The following SURF1 variants were observed in gnomAD, a reference collection of about 807,000 sequenced individuals.
SURF1 encodes surfeit locus protein 1.
SURF1 carries 45 observed loss-of-function variants against 34.1 expected under a neutral mutation model. The observed-to-expected ratio is 1.32, with a 90% CI of 1.04 to 1.69. The LOEUF (loss-of-function observed/expected upper bound fraction) is 1.69. Ranked by LOEUF, SURF1 falls within the 40% of genes most tolerant of loss-of-function variation. SURF1 has a pLI of 0.00. For synonymous variants in SURF1, 188 were observed against 147.5 expected (o/e 1.27, Z -1.99); for missense variants, 456 against 384.6 (o/e 1.19, Z -1.55).
At position 133,356,418 on chromosome 9, in the gene SURF1, CCGCAGCCCCAGCTGCAA is replaced by C. The variant is rs1836590086; in HGVS notation, c.19_35del (p.Leu7GlyfsTer47). ...CGCTCACCCGTCCCAGCCCCGCCGC[CCGCAGCCCCAGCTGCAA>C]CGCAGCCACCGCCGCCATCGCACCC... On this transcript the variant is annotated frameshift_variant, in exon 1 of 9. Coordinates refer to ENST00000371974, the MANE Select transcript of SURF1 (RefSeq NM_003172.4). LOFTEE classifies it high-confidence loss of function. The C allele has an allele frequency of 1.4e-6, 2 of 1,390,130 alleles. No individual in the cohort carries two copies. Among genetic ancestry groups the C allele is most frequent in the African/African-American group, 1.5e-5 (1 of 65,966 alleles). 86.1% of individuals were successfully genotyped at this position (1,390,130 alleles called of 1,614,324 possible).
In SURF1 at chr9:133,352,066, C is replaced by T. The variant is rs2130004088; in HGVS notation, c.828G>A (p.Val276=). Residue 276 remains valine (V), a synonymous_variant, in exon 8 of 9, where the codon GTG becomes GTA. Transcript: ENST00000371974. ...GAGGGCCGCTGGGGACTCACCAGGTCACGATGTACTGCAGATGCTCGTTCC... is the reference window on the plus strand; with the variant it reads ...GAGGGCCGCTGGGGACTCACCAGGTTACGATGTACTGCAGATGCTCGTTCC... ...TLRNEHLQYI[V]TWYGLSAATS... 5 of 1,611,858 alleles carry T rather than the reference C, an allele frequency of 3.1e-6. No individual in the cohort carries two copies. The South Asian group carries it at 5.5e-5, about 18-fold the overall frequency.
At chr9:133,352,211 TGTC>T in intron 7 of SURF1, 69 bp from the exon 8 acceptor site, 1 of 1,489,544 alleles carries the variant, frequency 6.7e-7, no homozygotes, top group Non-Finnish European at 9.1e-7. Context: ...TCCTAGTGGC[TGTC>T]ATTTTTGCGT....
chr9:133,356,250 C>T lies in SURF1; in HGVS notation c.106+19G>A. On this transcript the variant is annotated intron_variant, in intron 2 of 8. Coordinates refer to ENST00000371974, the MANE Select transcript of SURF1 (RefSeq NM_003172.4). ...CTCTGCCCAGGCGCCTGGATCACAGCCCGGCCTGCAGCCCTCACCTGGGCG... is the reference window on the plus strand; with the variant it reads ...CTCTGCCCAGGCGCCTGGATCACAGTCCGGCCTGCAGCCCTCACCTGGGCG... 1 of 1,533,716 alleles carries T rather than the reference C, an allele frequency of 6.5e-7. No homozygotes were observed. The highest frequency in any genetic ancestry group is 1.4e-5 in the African/African-American group (1 of 73,026).
intron 2 of SURF1, among the ~76,000 whole-genome samples, chr9:133,355,576 C>CA (rs1554768830): frequency 1.3e-5 from 2 of 152,182 alleles, no homozygotes; most frequent in South Asian, 4.1e-4. Context: ...GAAACTGTCT[C>CA]AAAAAATAAA....
chr9:133,354,637 A>AG (rs2130017517), intron 4 of SURF1, 22 bp downstream of exon 4: 4 of 1,611,584 alleles, frequency 2.5e-6, no homozygotes, highest in African/African-American at 2.7e-5. Context: ...AACAGGCCCT[A>AG]GGGGGGCAGC....
rs1462843748 is a variant in SURF1, at chr9:133,353,801, A to C, written c.463T>G (p.Ser155Ala). Residue 155 changes from serine (S) to alanine (A), a missense_variant, in exon 5 of 9, where the codon TCA becomes GCA. Ser to Ala is a moderately conservative substitution (Grantham distance 99). Coordinates refer to ENST00000371974, the MANE Select transcript of SURF1 (RefSeq NM_003172.4). ...EAREGGLISS[S>A]TQSGAYVVTP... ...ACCACATAGGCCCCACTCTGAGTTG[A>C]GGAGGAGATGAGGCCGCCCTCCCGG... 3 of 1,613,576 alleles carry C rather than the reference A, an allele frequency of 1.9e-6. No individual in the cohort carries two copies. In the African/African-American group the frequency reaches 4.0e-5, roughly 22 times the overall value.
intron 8 of SURF1, 26 bp from the exon 9 acceptor site, chr9:133,352,008 T>G (rs926512487): frequency 3.7e-6 from 6 of 1,613,400 alleles, no homozygotes; most frequent in Non-Finnish European, 5.1e-6. Context: ...AAGCCAGCAT[T>G]AGCAGGCTGC....
rs2130015517 is a variant in SURF1, at chr9:133,353,929, A to G, written c.335T>C (p.Leu112Pro). The change falls in exon 5 of 9, where the codon CTG (leucine) becomes CCG (proline). Residue 112 changes from leucine to proline, a missense_variant. Physicochemically the swap from Leu to Pro is moderately conservative, Grantham distance 98 (BLOSUM62 -3). Transcript: ENST00000371974. ...CACTGGCCTATACTCCAGATTTTTC[A>G]GTTCCATTGGGCTGCATGGAGATAA... ...PVPLPADPMELKNLEYRPVKV... is the reference protein window; with the variant it reads ...PVPLPADPMEPKNLEYRPVKV... 5 of 1,613,756 alleles carry G rather than the reference A, an allele frequency of 3.1e-6. No homozygotes were observed. The highest frequency in any genetic ancestry group is 4.2e-6 in the Non-Finnish European group (5 of 1,180,036).
chr9:133,352,709 G>C lies in SURF1; in HGVS notation c.573C>G (p.Thr191=), dbSNP rs2130009474. 0.041 allele frequency: 66,422 copies of C among 1,613,240 alleles called. 1,677 individuals are homozygous for C. Among genetic ancestry groups the C allele is most frequent in the African/African-American group, 0.091 (6,801 of 75,012 alleles). The change falls in exon 6 of 9, where the codon ACC becomes ACG. Residue 191 remains threonine, a synonymous_variant. Transcript: ENST00000371974. The stretch of plus-strand genomic sequence containing the variant: ...TGTCCCTTACCTGGCCTTTCTGCCG[G>C]GTTTCAGGATTCACTTTCTTCCTGG... ...FVPRKKVNPE[T]RQKGQIEGEV...
chr9:133,355,040 T>A, intron 2 of SURF1, 83 bp from the exon 3 acceptor site: 2 of 1,583,528 alleles, frequency 1.3e-6, no homozygotes, highest in Non-Finnish European at 1.7e-6. Flanking sequence ...CAGACTCCAG[T>A]ACTGCCAATC....
chr9:133,352,295 C>A lies in SURF1; in HGVS notation c.751+151G>T. ...CCGCCCTTGTCCGCTCAGTACTTGC[C>A]TAGGTTCTTTGCTGAGTTGCTGCCT... On this transcript the variant is annotated intron_variant, in intron 7 of 8. Transcript: ENST00000371974. 3.5e-6 allele frequency: 5 copies of A among 1,424,528 alleles called. No individual in the cohort carries two copies. The East Asian group carries it at 9.4e-5, about 27-fold the overall frequency. 88.2% of individuals were successfully genotyped at this position (1,424,528 alleles called of 1,614,324 possible). A position where few individuals can be genotyped will look rare whatever the true frequency, so the allele number is the denominator to read the frequency against.
At chr9:133,353,539 A>G (rs1836490070) in intron 5 of SURF1, among the ~76,000 whole-genome samples, 1 of 152,244 alleles carries the variant, frequency 6.6e-6, no homozygotes, top group Non-Finnish European at 1.5e-5. Context: ...GTCAACATAC[A>G]GAAATTATCC....
intron 8 of SURF1, 27 bp from the exon 9 acceptor site, chr9:133,352,009 A>AG: frequency 6.2e-7 from 1 of 1,613,400 alleles, no homozygotes; most frequent in Non-Finnish European, 8.5e-7. Flanking sequence ...AGCCAGCATT[A>AG]GCAGGCTGCT....
At chr9:133,353,664 G>A in intron 5 of SURF1, 85 bp downstream of exon 5, 1 of 1,528,356 alleles carries the variant, frequency 6.5e-7, no homozygotes, top group Non-Finnish European at 9.0e-7. Context: ...TACCAAGGTT[G>A]GGGATTGTGA....
rs1554768670 is a variant in SURF1, at chr9:133,354,679, C to T, written c.303G>A (p.Glu101=). The T allele has an allele frequency of 6.2e-7, 1 of 1,613,092 alleles. No individual in the cohort carries two copies. Among genetic ancestry groups the T allele is most frequent in the East Asian group, 2.2e-5 (1 of 44,870 alleles). The part of the protein sequence containing the change: ...IAELESRVLA[E]PVPLPADPME... Reference sequence around the variant, plus strand: ...CTCACTCGGCTGGCAGAGGGACAGGCTCAGCCAGAACTCTGGACTCCAACT... The same window carrying T: ...CTCACTCGGCTGGCAGAGGGACAGGTTCAGCCAGAACTCTGGACTCCAACT... Residue 101 remains glutamate (E), a synonymous_variant, in exon 4 of 9, where the codon GAG becomes GAA. Transcript: ENST00000371974.
intron 6 of SURF1, 37 bp from the exon 7 acceptor site, chr9:133,352,645 G>A (rs1178584222): frequency 1.9e-6 from 3 of 1,613,772 alleles, no homozygotes; most frequent in African/African-American, 2.7e-5. Flanking sequence ...ATGGAGCCTG[G>A]TGGACTCCCA....
In SURF1 at chr9:133,352,155, C is replaced by T. The variant is rs2130005205; in HGVS notation, c.752-13G>A. Reference sequence around the variant, plus strand: ...GGGACTGTGCTCTCTGTGGAGACAGCAGACTCAAGTCCACCCCCTACTGGC... The same window carrying T: ...GGGACTGTGCTCTCTGTGGAGACAGTAGACTCAAGTCCACCCCCTACTGGC... On this transcript the variant is annotated splice_polypyrimidine_tract_variant and intron_variant, in intron 7 of 8. Transcript: ENST00000371974. 6.3e-7 allele frequency: 1 copy of T among 1,585,220 alleles called. No individual in the cohort carries two copies. The highest frequency in any genetic ancestry group is 1.7e-4 in the Middle Eastern group (1 of 5,886).
rs587727919 is a variant in SURF1, at chr9:133,356,437, G to T, written c.17C>A (p.Ala6Glu). 1 of 1,412,654 alleles carries T rather than the reference G, an allele frequency of 7.1e-7. No homozygotes were observed. Among genetic ancestry groups the T allele is most frequent in the Non-Finnish European group, 9.2e-7 (1 of 1,084,530 alleles). 87.5% of individuals were successfully genotyped at this position (1,412,654 alleles called of 1,614,324 possible). Residue 6 changes from alanine to glutamate, a missense_variant, in exon 1 of 9, where the codon GCG becomes GAG. Physicochemically the swap from Ala to Glu is moderately radical, Grantham distance 107 (BLOSUM62 -1). Coordinates refer to ENST00000371974, the MANE Select transcript of SURF1 (RefSeq NM_003172.4). ...CGCCGCCCGCAGCCCCAGCTGCAACGCAGCCACCGCCGCCATCGCACCCGG... is the reference window on the plus strand; with the variant it reads ...CGCCGCCCGCAGCCCCAGCTGCAACTCAGCCACCGCCGCCATCGCACCCGG... MAAVA[A>E]LQLGLRAAGL...
chr9:133,353,670 T>C lies in SURF1; in HGVS notation c.515+79A>G, dbSNP rs2130013749. On this transcript the variant is annotated intron_variant, in intron 5 of 8. Coordinates refer to ENST00000371974, the MANE Select transcript of SURF1 (RefSeq NM_003172.4). ...CCAGGGTCCTACCAAGGTTGGGGAT[T>C]GTGAAGGAAATAGTGATGTAAATTA... The C allele has an allele frequency of 5.0e-5, 77 of 1,553,716 alleles. No homozygotes were observed. In the African/African-American group the frequency reaches 6.8e-4, roughly 14 times the overall value.
Sources: gnomAD v4.1 joint callset for allele counts (sites outside exome capture counted in the v4.1 genomes callset) on GRCh38, gnomAD v4.1.1 for gene constraint, MANE v1.5 for transcripts, NCBI Gene and HGNC (gene_info 2026-07-23, HGNC 2026-07-21) for gene names.